SEMA5B: variants seen among roughly 807,000 people sequenced by gnomAD.
SEMA5B encodes semaphorin 5B, also known as semaphorin-5B.
Under a neutral mutation model 135.0 loss-of-function variants are expected in SEMA5B, and 66 were observed. The ratio of observed to expected loss-of-function variants is 0.49; its 90% confidence interval spans 0.40 to 0.60. SEMA5B has a LOEUF of 0.60. SEMA5B is among the 20% of genes least tolerant of loss of function. SEMA5B has a pLI of 0.00. For missense variants in SEMA5B, 1,501 were observed against 1,566.3 expected (o/e 0.96, Z 0.70); for synonymous variants, 690 against 639.5 (o/e 1.08, Z -1.19).
At chr3:123,028,078 C>T (rs1027053388), upstream of SEMA5B, among the ~76,000 whole-genome samples, 1 of 152,192 alleles carries the variant, frequency 6.6e-6, no homozygotes, top group Non-Finnish European at 1.5e-5. Flanking sequence ...TTTGCCACAT[C>T]CCGCCTTGCC....
intron 1 of SEMA5B, among the ~76,000 whole-genome samples, chr3:123,026,131 A>C (rs1490942197): frequency 6.6e-6 from 1 of 152,156 alleles, no homozygotes; most frequent in Non-Finnish European, 1.5e-5. Flanking sequence ...AGAAAAGCGG[A>C]AGGAGGTCGG....
At chr3:122,967,380 C>T (rs548396201) in intron 1 of SEMA5B, among the ~76,000 whole-genome samples, 57 of 152,292 alleles carry the variant, frequency 3.7e-4, no homozygotes, top group African/African-American at 1.3e-3. Context: ...GTTGAATTAA[C>T]GTGGCATTTC....
Position 122,927,856 on chromosome 3 carries a change from T to G in SEMA5B, c.784A>C (p.Ile262Leu). Residue 262 changes from isoleucine to leucine, a missense_variant, in exon 8 of 23, where the codon ATC becomes CTC. Physicochemically the swap from Ile to Leu is conservative, Grantham distance 5. This residue lies in a region of SEMA5B where 574 missense variants were observed against 684.7 expected (regional missense o/e 0.84). Transcript: ENST00000357599. The part of the protein sequence containing the change: ...VIDFSGRDPA[I>L]YRSLGSGPPL... ...GGCCCACTGCCCAGGCTGCGGTAGATGGCAGGGTCCCGACCTGAGAAGTCG... is the reference window on the plus strand; with the variant it reads ...GGCCCACTGCCCAGGCTGCGGTAGAGGGCAGGGTCCCGACCTGAGAAGTCG... 1 of 1,588,050 alleles carries G rather than the reference T, an allele frequency of 6.3e-7. No homozygotes were observed. Among genetic ancestry groups the G allele is most frequent in the Non-Finnish European group, 8.6e-7 (1 of 1,166,398 alleles).
chr3:122,999,764 A>G (rs979585605), intron 1 of SEMA5B, among the ~76,000 whole-genome samples: 2 of 152,218 alleles, frequency 1.3e-5, no homozygotes, highest in African/African-American at 4.8e-5. Context: ...CTTGGTCCCA[A>G]CTGGACATCC....
At chr3:122,976,174 T>A in intron 1 of SEMA5B, 1 of 1,520,056 alleles carries the variant, frequency 6.6e-7, no homozygotes, top group South Asian at 1.2e-5. Context: ...GCTGTGCAGA[T>A]GCAAGAAGTG....
chr3:123,015,633 A>G (rs1180583735), intron 1 of SEMA5B, among the ~76,000 whole-genome samples: 1 of 152,236 alleles, frequency 6.6e-6, no homozygotes, highest in African/African-American at 2.4e-5. Flanking sequence ...ACACCCAGCC[A>G]CAGCGAGAAG....
At chr3:122,954,080 G>A (rs905467169) in intron 2 of SEMA5B, among the ~76,000 whole-genome samples, 3 of 152,180 alleles carry the variant, frequency 2.0e-5, no homozygotes, top group Non-Finnish European at 2.9e-5. Flanking sequence ...TTTATGAGAC[G>A]GGATATCACT....
At position 122,929,054 on chromosome 3, in the gene SEMA5B, G is replaced by T. The variant is rs1323706185; in HGVS notation, c.479C>A (p.Thr160Lys). The change falls in exon 6 of 23, where the codon ACA (threonine) becomes AAA (lysine). Residue 160 changes from threonine (T) to lysine (K), a missense_variant. Transcript: ENST00000357599. ...CGTGTCCTCACTGGAGGCCCACTCT[G>T]TGGCCTGGGGGAGGAACATAGGAGC... ...SLANVSLLQA[T>K]EWASSEDTRR... The T allele has an allele frequency of 1.2e-6, 2 of 1,611,680 alleles. No homozygotes were observed. Among genetic ancestry groups the T allele is most frequent in the East Asian group, 4.5e-5 (2 of 44,874 alleles).
intron 1 of SEMA5B, among the ~76,000 whole-genome samples, chr3:122,985,961 G>A (rs993764111): frequency 6.6e-6 from 1 of 152,116 alleles, no homozygotes; most frequent in Admixed American, 6.5e-5. Flanking sequence ...AAAATGAAGT[G>A]TTAGTAGAAT....
chr3:122,960,047 A>G (rs1423252538), intron 2 of SEMA5B, among the ~76,000 whole-genome samples: 2 of 152,200 alleles, frequency 1.3e-5, no homozygotes, highest in African/African-American at 4.8e-5. Context: ...CCGTGGAAAC[A>G]TTTCACTATC....
chr3:122,914,040 G>A, intron 14 of SEMA5B, 39 bp from the exon 15 acceptor site: 3 of 1,530,986 alleles, frequency 2.0e-6, no homozygotes, highest in Non-Finnish European at 2.6e-6. Flanking sequence ...ATGCCCCTCT[G>A]AGCCCTAGCT....
rs78693594 is a variant in SEMA5B, at chr3:122,923,741, G to C, written c.1148C>G (p.Ala383Gly). 458 of 1,614,092 alleles carry C rather than the reference G, an allele frequency of 2.8e-4. 2 individuals carry two copies. In the East Asian group the frequency reaches 9.2e-3, roughly 32 times the overall value. ...GTTGAAGGCGCAGACAGCAGAAGCC[G>C]CGATGCTGTTTCTGAAAGGCAAGAA... ...GVFTTNVNSI[A>G]ASAVCAFNLS... The change falls in exon 10 of 23, where the codon GCG becomes GGG. Residue 383 changes from alanine to glycine, a missense_variant. This residue lies in a region of SEMA5B where 574 missense variants were observed against 684.7 expected (regional missense o/e 0.84). Transcript: ENST00000357599.
At chr3:122,946,547 C>T (rs189044816) in intron 3 of SEMA5B, among the ~76,000 whole-genome samples, 1 of 152,106 alleles carries the variant, frequency 6.6e-6, no homozygotes, top group Non-Finnish European at 1.5e-5. Flanking sequence ...CAGTCCTTTG[C>T]CCAGCATGAA....
chr3:122,920,406 CAAGCCATATGTGA>C (rs144728546), intron 12 of SEMA5B, among the ~76,000 whole-genome samples: 8,414 of 152,220 alleles, frequency 0.055, 711 homozygotes, highest in African/African-American at 0.19. Flanking sequence ...TCTTGGAGAA[CAAGCCATATGTGA>C]AAGCCTGTGA....
intron 3 of SEMA5B, among the ~76,000 whole-genome samples, chr3:122,944,116 G>T (rs1939682640): frequency 6.6e-6 from 1 of 152,142 alleles, no homozygotes; most frequent in Admixed American, 6.5e-5. Context: ...TCCTGCGAAG[G>T]CCCTTGGGTT....
At chr3:122,915,728 A>G in intron 13 of SEMA5B, 45 bp downstream of exon 13, 2 of 1,606,554 alleles carry the variant, frequency 1.2e-6, no homozygotes, top group Non-Finnish European at 1.7e-6. Flanking sequence ...CATAGCCTGA[A>G]TTGAAGGAGG....
At chr3:122,971,841 C>G (rs1032777698) in intron 1 of SEMA5B, among the ~76,000 whole-genome samples, 1 of 152,222 alleles carries the variant, frequency 6.6e-6, no homozygotes, top group Admixed American at 6.5e-5. Context: ...AGACATGATT[C>G]CAGTGGGAGC....
Position 122,913,017 on chromosome 3 carries a change from TGTGCGGGGAGGTGCTC to T in SEMA5B, c.2535_2550del (p.Ser846ArgfsTer2). On this transcript the variant is annotated frameshift_variant, in exon 18 of 23. Coordinates refer to ENST00000357599, the MANE Select transcript of SEMA5B (RefSeq NM_001031702.4). LOFTEE classifies it high-confidence loss of function. Reference sequence around the variant, plus strand: ...CAGGCGGCCCAGCCCCCGCTCACCGTGTGCGGGGAGGTGCTCCCGCTGCGCAGGAGGACCTCCACCA... The same window carrying T: ...CAGGCGGCCCAGCCCCCGCTCACCGTCCGCTGCGCAGGAGGACCTCCACCA... 6.3e-7 allele frequency: 1 copy of T among 1,595,946 alleles called. No individual in the cohort carries two copies. Among genetic ancestry groups the T allele is most frequent in the African/African-American group, 1.3e-5 (1 of 74,310 alleles).
chr3:122,919,317 G>T (rs1256760279), intron 12 of SEMA5B, among the ~76,000 whole-genome samples: 2 of 152,166 alleles, frequency 1.3e-5, no homozygotes, highest in East Asian at 1.9e-4. Flanking sequence ...AGGAGGAAAG[G>T]GGTGGTTCAT....
Sources: gnomAD v4.1 joint callset for allele counts (sites outside exome capture counted in the v4.1 genomes callset) on GRCh38, gnomAD v4.1.1 for gene constraint, gnomAD v4.1.1 regional missense constraint, MANE v1.5 for transcripts, NCBI Gene and HGNC (gene_info 2026-07-23, HGNC 2026-07-21) for gene names.